Variants in OR10A2 observed in about 807,000 individuals in gnomAD.
The protein encoded by OR10A2 is olfactory receptor 10A2.
Under a neutral mutation model 13.7 loss-of-function variants are expected in OR10A2, and 15 were observed. The observed-to-expected ratio is 1.10, with a 90% CI of 0.73 to 1.69. The LOEUF (loss-of-function observed/expected upper bound fraction) is 1.69, where lower values mean the gene tolerates loss of function less well. OR10A2 is among the 40% of genes most tolerant of loss of function. The pLI, the probability that OR10A2 is intolerant of heterozygous loss-of-function variation, is 0.00. For synonymous variants in OR10A2, 145 were observed against 144.7 expected (o/e 1.00, Z -0.02); for missense variants, 343 against 361.1 (o/e 0.95, Z 0.41).
At chr11:6,863,539 T>C (rs1216678531) in intron 1 of OR10A2, among the ~76,000 whole-genome samples, 188 bp downstream of exon 1, 2 of 151,962 alleles carry the variant, frequency 1.3e-5, no homozygotes, top group African/African-American at 4.8e-5. Context: ...TTACTCTATG[T>C]CATAAGAAAA....
At chr11:6,865,502 T>C (rs1564919977) in intron 1 of OR10A2, among the ~76,000 whole-genome samples, 3 of 152,126 alleles carry the variant, frequency 2.0e-5, no homozygotes, top group African/African-American at 4.8e-5. Context: ...ATAACTATAA[T>C]AGTCAGCACT....
chr11:6,864,680 A>G (rs373810203), intron 1 of OR10A2, among the ~76,000 whole-genome samples: 1 of 152,072 alleles, frequency 6.6e-6, no homozygotes, highest in East Asian at 1.9e-4. Context: ...GCAGGCAGAA[A>G]TGATGTCACA....
intron 1 of OR10A2, among the ~76,000 whole-genome samples, chr11:6,866,060 A>C (rs1848376406): frequency 6.6e-6 from 1 of 152,224 alleles, no homozygotes; most frequent in Non-Finnish European, 1.5e-5. Flanking sequence ...AAATTCATTC[A>C]TGTTATTGCA....
chr11:6,870,612 T>C lies in OR10A2; in HGVS notation c.858T>C (p.Asn286=), dbSNP rs762247980. Residue 286 remains asparagine (N), a synonymous_variant, in exon 2 of 2, where the codon AAT becomes AAC. Coordinates refer to ENST00000641461, the MANE Select transcript of OR10A2 (RefSeq NM_001004460.2). ...IYSLRNNEVK[N]ALSRTVSKAL... Reference sequence around the variant, plus strand: ...GCCTGAGAAATAACGAGGTGAAGAATGCCCTCAGCAGGACGGTCTCTAAGG... The same window carrying C: ...GCCTGAGAAATAACGAGGTGAAGAACGCCCTCAGCAGGACGGTCTCTAAGG... 1.2e-6 allele frequency: 2 copies of C among 1,612,510 alleles called. No individual in the cohort carries two copies. The highest frequency in any genetic ancestry group is 1.1e-5 in the South Asian group (1 of 90,724).
In OR10A2 at chr11:6,870,086, T is replaced by C. The variant is rs372780749; in HGVS notation, c.332T>C (p.Val111Ala). ...GCTACCATGGCATATGACCGCTATG[T>C]GGCCATCTGCAGTCCCTTGCACTAC... ...LLATMAYDRY[V>A]AICSPLHYPV... The change falls in exon 2 of 2, where the codon GTG becomes GCG. Residue 111 changes from valine to alanine, a missense_variant. Coordinates refer to ENST00000641461, the MANE Select transcript of OR10A2 (RefSeq NM_001004460.2). The C allele has an allele frequency of 4.3e-6, 7 of 1,614,130 alleles. No individual in the cohort carries two copies. In the African/African-American group the frequency reaches 9.3e-5, roughly 22 times the overall value.
rs985145539 is a variant in OR10A2 at position 6,871,927 on chromosome 11, T to C, written c.*1261T>C. On this transcript the variant is annotated 3_prime_UTR_variant, in exon 2 of 2. Transcript: ENST00000641461. Reference sequence around the variant, plus strand: ...GGGCAAAAGTTAAATACATACATAATGTTGCTATATATATTGATTGTCTAT... The same window carrying C: ...GGGCAAAAGTTAAATACATACATAACGTTGCTATATATATTGATTGTCTAT... The C allele has an allele frequency of 5.9e-5, 9 of 152,230 alleles. No homozygotes were observed. Among genetic ancestry groups the C allele is most frequent in the Non-Finnish European group, 7.3e-5 (5 of 68,040 alleles). 9.4% of individuals were successfully genotyped at this position (152,230 alleles called of 1,614,324 possible). A position where few individuals can be genotyped will look rare whatever the true frequency, so the allele number is the denominator to read the frequency against.
chr11:6,871,896 T>C lies in OR10A2; in HGVS notation c.*1230T>C, dbSNP rs1848438639. On this transcript the variant is annotated 3_prime_UTR_variant, in exon 2 of 2. Coordinates refer to ENST00000641461, the MANE Select transcript of OR10A2 (RefSeq NM_001004460.2). Reference sequence around the variant, plus strand: ...GACAAATAGAAATCTAGAAATTGAGTTTCTTGGGCAAAAGTTAAATACATA... The same window carrying C: ...GACAAATAGAAATCTAGAAATTGAGCTTCTTGGGCAAAAGTTAAATACATA... 1 of 152,146 alleles carries C rather than the reference T, an allele frequency of 6.6e-6. No homozygotes were observed. The highest frequency in any genetic ancestry group is 6.5e-5 in the Admixed American group (1 of 15,278). 9.4% of individuals were successfully genotyped at this position (152,146 alleles called of 1,614,324 possible). A position where few individuals can be genotyped will look rare whatever the true frequency, so the allele number is the denominator to read the frequency against.
rs1848455916 is a variant in OR10A2 at position 6,873,440 on chromosome 11, C to A, written c.*2774C>A. The A allele has an allele frequency of 6.6e-6, 1 of 152,158 alleles. No individual in the cohort carries two copies. The highest frequency in any genetic ancestry group is 1.5e-5 in the Non-Finnish European group (1 of 68,022). The allele number at this position is 152,158 out of a possible 1,614,324, so 9.4% of individuals were successfully genotyped here. A position where few individuals can be genotyped will look rare whatever the true frequency, so the allele number is the denominator to read the frequency against. On this transcript the variant is annotated 3_prime_UTR_variant, in exon 2 of 2. Transcript: ENST00000641461. ...ATTTGTACTGGGGTAGGGGGTAGTC[C>A]TTAGTATGGGTAAAGAATTTGAAGT...
In OR10A2 at chr11:6,870,601, G is replaced by T. The variant is rs746159207; in HGVS notation, c.847G>T (p.Glu283Ter). The T allele has an allele frequency of 3.1e-6, 5 of 1,613,514 alleles. No individual in the cohort carries two copies. The East Asian group carries it at 1.1e-4, about 36-fold the overall frequency. The change falls in exon 2 of 2, where the codon GAG becomes TAG. Residue 283 changes from glutamate to a stop codon, truncating the protein, a stop_gained. Transcript: ENST00000641461. LOFTEE classifies it high-confidence loss of function. ...CATTATCTACAGCCTGAGAAATAACGAGGTGAAGAATGCCCTCAGCAGGAC... is the reference window on the plus strand; with the variant it reads ...CATTATCTACAGCCTGAGAAATAACTAGGTGAAGAATGCCCTCAGCAGGAC... ...NPIIYSLRNN[E>*]VKNALSRTVS...
Position 6,873,533 on chromosome 11 carries a change from C to T in OR10A2, c.*2867C>T, listed in dbSNP as rs1474176632. The T allele has an allele frequency of 6.6e-6, 1 of 152,178 alleles. No individual in the cohort carries two copies. Among genetic ancestry groups the T allele is most frequent in the Non-Finnish European group, 1.5e-5 (1 of 68,048 alleles). The allele number at this position is 152,178 out of a possible 1,614,324, so 9.4% of individuals were successfully genotyped here. On this transcript the variant is annotated 3_prime_UTR_variant, in exon 2 of 2. Coordinates refer to ENST00000641461, the MANE Select transcript of OR10A2 (RefSeq NM_001004460.2). Reference sequence around the variant, plus strand: ...CATAGTTTCAGGGAAAGGATTCCAACAGAAGAGTGCCACATGCACAAACAC... The same window carrying T: ...CATAGTTTCAGGGAAAGGATTCCAATAGAAGAGTGCCACATGCACAAACAC...
chr11:6,865,552 A>G (rs1412534236), intron 1 of OR10A2, among the ~76,000 whole-genome samples: 1 of 152,162 alleles, frequency 6.6e-6, no homozygotes, highest in Non-Finnish European at 1.5e-5. Flanking sequence ...ATTCACACTG[A>G]TTCAATAATT....
intron 1 of OR10A2, among the ~76,000 whole-genome samples, chr11:6,864,198 G>A (rs3889139): frequency 0.12 from 17,539 of 151,970 alleles, 2,997 homozygotes; most frequent in African/African-American, 0.37. Flanking sequence ...CAGAAGTTCT[G>A]TGGAAATCCC....
Position 6,872,976 on chromosome 11 carries a change from T to C in OR10A2, c.*2310T>C, listed in dbSNP as rs959698283. On this transcript the variant is annotated 3_prime_UTR_variant, in exon 2 of 2. Transcript: ENST00000641461. ...CTGGGATTACAGGCGTGCCAAGCCA[T>C]GCCCAACTAATTTTTTTTTTGTATT... 7.9e-6 allele frequency: 1 copy of C among 126,752 alleles called. No individual in the cohort carries two copies. The highest frequency in any genetic ancestry group is 3.1e-5 in the African/African-American group (1 of 32,314). 7.9% of individuals were successfully genotyped at this position (126,752 alleles called of 1,614,324 possible).
chr11:6,872,494 T>G lies in OR10A2; in HGVS notation c.*1828T>G, dbSNP rs1848443989. The stretch of plus-strand genomic sequence containing the variant: ...TTCAAGTGTTTCTGGTGTTTTGTTT[T>G]GTGTTTGAGACAGGGTCTCTCTCTC... On this transcript the variant is annotated 3_prime_UTR_variant, in exon 2 of 2. Transcript: ENST00000641461. 1 of 152,166 alleles carries G rather than the reference T, an allele frequency of 6.6e-6. No individual in the cohort carries two copies. Among genetic ancestry groups the G allele is most frequent in the South Asian group, 2.1e-4 (1 of 4,828 alleles). 9.4% of individuals were successfully genotyped at this position (152,166 alleles called of 1,614,324 possible).
chr11:6,868,894 A>C (rs1358205848), intron 1 of OR10A2, among the ~76,000 whole-genome samples: 1 of 152,202 alleles, frequency 6.6e-6, no homozygotes, highest in Non-Finnish European at 1.5e-5. Flanking sequence ...TCTCCTAAAC[A>C]TCTTAATGCT....
Position 6,871,150 on chromosome 11 carries a change from T to C in OR10A2, c.*484T>C, listed in dbSNP as rs953925639. ...TTTTAGTAGAGACAGGGTTTCACCG[T>C]GTTAGCCAGGATGGTCTCGATCTCC... On this transcript the variant is annotated 3_prime_UTR_variant, in exon 2 of 2. Transcript: ENST00000641461. 6.5e-6 allele frequency: 1 copy of C among 153,724 alleles called. No homozygotes were observed. The highest frequency in any genetic ancestry group is 2.4e-5 in the African/African-American group (1 of 41,420). 9.5% of individuals were successfully genotyped at this position (153,724 alleles called of 1,614,324 possible). A position where few individuals can be genotyped will look rare whatever the true frequency, so the allele number is the denominator to read the frequency against.
In OR10A2 at chr11:6,872,435, C is replaced by T. The variant is rs1416341280; in HGVS notation, c.*1769C>T. ...TTATTTTTACATGTTTGTCTTCCTC[C>T]AACTTTTCTGTAACTCTTCAAAAAT... On this transcript the variant is annotated 3_prime_UTR_variant, in exon 2 of 2. Coordinates refer to ENST00000641461, the MANE Select transcript of OR10A2 (RefSeq NM_001004460.2). 1 of 152,128 alleles carries T rather than the reference C, an allele frequency of 6.6e-6. No homozygotes were observed. Among genetic ancestry groups the T allele is most frequent in the Non-Finnish European group, 1.5e-5 (1 of 68,028 alleles). The allele number at this position is 152,128 out of a possible 1,614,324, so 9.4% of individuals were successfully genotyped here.
At position 6,873,056 on chromosome 11, in the gene OR10A2, C is replaced by T. The variant is rs1848452488; in HGVS notation, c.*2390C>T. ...GGAGCTCCTGGCCTCAAGTGATCTG[C>T]CTGCCTCAGCCTCCCAAGGGCTGGG... On this transcript the variant is annotated 3_prime_UTR_variant, in exon 2 of 2. Coordinates refer to ENST00000641461, the MANE Select transcript of OR10A2 (RefSeq NM_001004460.2). 6.6e-6 allele frequency: 1 copy of T among 151,996 alleles called. No individual in the cohort carries two copies. Among genetic ancestry groups the T allele is most frequent in the Admixed American group, 6.5e-5 (1 of 15,268 alleles). 9.4% of individuals were successfully genotyped at this position (151,996 alleles called of 1,614,324 possible).
Position 6,869,818 on chromosome 11 carries a change from T to A in OR10A2, c.64T>A (p.Tyr22Asn). The A allele has an allele frequency of 6.2e-7, 1 of 1,614,176 alleles. No homozygotes were observed. Among genetic ancestry groups the A allele is most frequent in the Non-Finnish European group, 8.5e-7 (1 of 1,179,998 alleles). Residue 22 changes from tyrosine to asparagine, a missense_variant, in exon 2 of 2, where the codon TAC becomes AAC. Coordinates refer to ENST00000641461, the MANE Select transcript of OR10A2 (RefSeq NM_001004460.2). ...SLLFLTFLTI[Y>N]LVTLMGNCLI... ...ACTCTTTCTGACATTTCTAACCATC[T>A]ACCTGGTCACCCTGATGGGAAACTG...
Sources: allele counts gnomAD v4.1 joint callset (sites outside exome capture counted in the v4.1 genomes callset), GRCh38; gene constraint gnomAD v4.1.1; transcripts MANE v1.5; gene names NCBI Gene and HGNC (gene_info 2026-07-23, HGNC 2026-07-21).